The following SORL1-AS1 variants were observed in gnomAD, a reference collection of about 807,000 sequenced individuals.
SORL1-AS1 encodes the protein lncRNA 51 A.
chr11:121,452,897 A>G lies in SORL1-AS1; in HGVS notation n.117T>C. 1 of 371,152 alleles carries G rather than the reference A, an allele frequency of 2.7e-6. No homozygotes were observed. Among genetic ancestry groups the G allele is most frequent in the Non-Finnish European group, 4.8e-6 (1 of 207,422 alleles). 23.0% of individuals were successfully genotyped at this position (371,152 alleles called of 1,614,324 possible). A position where few individuals can be genotyped will look rare whatever the true frequency, so the allele number is the denominator to read the frequency against. ...GAGAGATGTAGTTTCCGGCAGGTAT[A>G]GGAGGGGTGCAGCTTCATTTTACAT... is the stretch of plus-strand genomic sequence containing the variant. On this transcript the variant is annotated non_coding_transcript_exon_variant, in exon 1 of 2. Transcript: ENST00000501964. This position sits in a 1 kb window ranked among gnomAD's most constrained non-coding sequence, Gnocchi z 5.3.
exon 2 of SORL1-AS1, chr11:121,447,812 C>T (rs1157922769): frequency 6.6e-6 from 1 of 152,112 alleles, no homozygotes; most frequent in African/African-American, 2.4e-5. Flanking sequence ...GGCTAGGTAC[C>T]TAGGAAGGGA....
chr11:121,442,361 G>A (rs754992811), downstream of SORL1-AS1, among the ~76,000 whole-genome samples: 3 of 152,174 alleles, frequency 2.0e-5, no homozygotes, highest in East Asian at 1.9e-4. Flanking sequence ...GGGGCTGGGC[G>A]AAGTGGCTCA....
downstream of SORL1-AS1, among the ~76,000 whole-genome samples, chr11:121,444,899 A>C (rs1378637317): frequency 6.6e-6 from 1 of 152,214 alleles, no homozygotes; most frequent in African/African-American, 2.4e-5. Context: ...TTCACTGCTA[A>C]TTTAGCACTG....
chr11:121,448,638 C>G (rs1411744214), exon 2 of SORL1-AS1: 1 of 152,158 alleles, frequency 6.6e-6, no homozygotes, highest in Admixed American at 6.5e-5. Context: ...CCATTGCCAC[C>G]AGGACAAAGG....
downstream of SORL1-AS1, among the ~76,000 whole-genome samples, chr11:121,444,622 G>A (rs1860702142): frequency 6.6e-6 from 1 of 152,196 alleles, no homozygotes; most frequent in Admixed American, 6.5e-5. Flanking sequence ...AAATTATGAG[G>A]TGGAAGAGGG....
Position 121,452,605 on chromosome 11 carries a change from G to T in SORL1-AS1, n.339+70C>A. 6.6e-7 allele frequency: 1 copy of T among 1,507,528 alleles called. No homozygotes were observed. Among genetic ancestry groups the T allele is most frequent in the Non-Finnish European group, 8.8e-7 (1 of 1,134,948 alleles). The allele number at this position is 1,507,528 out of a possible 1,614,324, so 93.4% of individuals were successfully genotyped here. A position where few individuals can be genotyped will look rare whatever the true frequency, so the allele number is the denominator to read the frequency against. Reference sequence around the variant, plus strand: ...TGCCCTGCAGCCCGAGCCCATCAAGGTGTACGGACAGGTGAGCAGTTTTGC... The same window carrying T: ...TGCCCTGCAGCCCGAGCCCATCAAGTTGTACGGACAGGTGAGCAGTTTTGC... On this transcript the variant is annotated intron_variant and non_coding_transcript_variant, in intron 1 of 1. Coordinates refer to ENST00000501964, the Ensembl canonical transcript of SORL1-AS1. This position sits in a 1 kb window ranked among gnomAD's most constrained non-coding sequence, Gnocchi z 5.3.
Position 121,452,390 on chromosome 11 carries a change from C to A in SORL1-AS1, n.339+285G>T. The A allele has an allele frequency of 6.5e-7, 1 of 1,544,818 alleles. No homozygotes were observed. Among genetic ancestry groups the A allele is most frequent in the Admixed American group, 1.9e-5 (1 of 51,588 alleles). On this transcript the variant is annotated intron_variant and non_coding_transcript_variant, in intron 1 of 1. Transcript: ENST00000501964. This position sits in a 1 kb window ranked among gnomAD's most constrained non-coding sequence, Gnocchi z 5.3. ...CTCCCGTTCCTATTCACCCTGGTCG[C>A]ACTGCTGCCGCCCGGAGCTCTCTGC...
chr11:121,445,031 C>T (rs542373582), downstream of SORL1-AS1, among the ~76,000 whole-genome samples: 2 of 152,242 alleles, frequency 1.3e-5, no homozygotes, highest in South Asian at 2.1e-4. Flanking sequence ...AAACTCTAAT[C>T]GCAGTTTCAA....
chr11:121,452,743 G>GT lies in SORL1-AS1; in HGVS notation n.270dup, dbSNP rs1240674689. 5 of 820,490 alleles carry GT rather than the reference G, an allele frequency of 6.1e-6. No homozygotes were observed. Among genetic ancestry groups the GT allele is most frequent in the Admixed American group, 4.2e-5 (1 of 23,860 alleles). 50.8% of individuals were successfully genotyped at this position (820,490 alleles called of 1,614,324 possible). ...ACTGGGGACTTCCCGGCTTGCATTTGTTTTTTTCCTTCACGAGTACAACCG... is the reference window on the plus strand; with the variant it reads ...ACTGGGGACTTCCCGGCTTGCATTTGTTTTTTTTCCTTCACGAGTACAACCG... On this transcript the variant is annotated non_coding_transcript_exon_variant, in exon 1 of 2. Transcript: ENST00000501964. The surrounding 1 kb of genome is among the most constrained non-coding windows in gnomAD (Gnocchi z 5.3).
chr11:121,448,887 T>G (rs931811877), exon 2 of SORL1-AS1: 1 of 152,210 alleles, frequency 6.6e-6, no homozygotes, highest in Non-Finnish European at 1.5e-5. Flanking sequence ...CTAGCCTAGG[T>G]GCCTAAGGAG....
chr11:121,441,367 C>CAAA, the SORL1-AS1 span, among the ~76,000 whole-genome samples: 2 of 132,824 alleles, frequency 1.5e-5, no homozygotes, highest in Non-Finnish European at 3.2e-5. Context: ...ACTAAAAATA[C>CAAA]AAAAAAAAAA....
chr11:121,448,635 C>T lies in SORL1-AS1; in HGVS notation n.1604G>A, dbSNP rs1397228389. 2.0e-5 allele frequency: 3 copies of T among 152,170 alleles called. No homozygotes were observed. In the East Asian group the frequency reaches 5.8e-4, roughly 29 times the overall value. The allele number at this position is 152,170 out of a possible 1,614,324, so 9.4% of individuals were successfully genotyped here. On this transcript the variant is annotated non_coding_transcript_exon_variant, in exon 2 of 2. Coordinates refer to ENST00000501964, the Ensembl canonical transcript of SORL1-AS1. ...CATTGGCCCCTTAACCAACCATTGC[C>T]ACCAGGACAAAGGTGGTGTCACTTC...
At position 121,450,123 on chromosome 11, in the gene SORL1-AS1, A is replaced by G. The variant is rs528720340; in HGVS notation, n.340-224T>C. ...CAAACAGATGCCCATCTTCAAATCC[A>G]CACTTAGGAGACTCCTGTCTCTGTT... On this transcript the variant is annotated intron_variant and non_coding_transcript_variant, in intron 1 of 1. Transcript: ENST00000501964. This position sits in a 1 kb window ranked among gnomAD's most constrained non-coding sequence, Gnocchi z 5.2. Among the ~76,000 whole-genome samples, 222 of 152,300 alleles carry G rather than the reference A, an allele frequency of 1.5e-3. 3 individuals are homozygous for G. Among genetic ancestry groups the G allele is most frequent in the African/African-American group, 5.0e-3 (206 of 41,566 alleles).
chr11:121,442,487 T>A (rs1860667260), downstream of SORL1-AS1, among the ~76,000 whole-genome samples: 1 of 150,952 alleles, frequency 6.6e-6, no homozygotes, highest in Admixed American at 6.6e-5. Flanking sequence ...ATACAAAAAT[T>A]AACTGGGCGT....
downstream of SORL1-AS1, among the ~76,000 whole-genome samples, chr11:121,446,391 G>A (rs527497505): frequency 6.6e-6 from 1 of 152,246 alleles, no homozygotes; most frequent in Non-Finnish European, 1.5e-5. Context: ...AGGCCAGAGG[G>A]GAGAGCATCT....
downstream of SORL1-AS1, among the ~76,000 whole-genome samples, chr11:121,444,519 C>T (rs552122609): frequency 3.3e-4 from 51 of 152,310 alleles, no homozygotes; most frequent in African/African-American, 1.2e-3. Flanking sequence ...TCTGACGTCA[C>T]GCCTCTAGTA....
chr11:121,446,534 T>G (rs568053608), downstream of SORL1-AS1, among the ~76,000 whole-genome samples: 154 of 152,252 alleles, frequency 1.0e-3, 2 homozygotes, highest in African/African-American at 3.0e-3. Context: ...GCAGATCACC[T>G]GAGGACGGGA....
At chr11:121,440,358 A>G in the SORL1-AS1 span, among the ~76,000 whole-genome samples, 1 of 152,220 alleles carries the variant, frequency 6.6e-6, no homozygotes. Context: ...TGGGCGATAG[A>G]GTGAGACCCT....
chr11:121,445,248 G>A (rs139164764), downstream of SORL1-AS1, among the ~76,000 whole-genome samples: 3 of 152,304 alleles, frequency 2.0e-5, no homozygotes, highest in East Asian at 1.9e-4. Flanking sequence ...GTGATCTGTC[G>A]CACCCTCTGG....
Sources: allele counts gnomAD v4.1 joint callset (sites outside exome capture counted in the v4.1 genomes callset), GRCh38; gene constraint gnomAD v4.1.1; non-coding constraint Gnocchi (gnomAD v3.1); transcripts MANE v1.5; gene names NCBI Gene and HGNC (gene_info 2026-07-23, HGNC 2026-07-21).